SCN7A: variants seen among roughly 807,000 people sequenced by gnomAD.
The protein encoded by SCN7A is sodium voltage-gated channel alpha subunit 7.
SCN7A carries 138 observed loss-of-function variants against 155.2 expected under a neutral mutation model. The observed-to-expected ratio is 0.89, with a 90% CI of 0.77 to 1.02. The LOEUF (loss-of-function observed/expected upper bound fraction) is 1.02. Among genes scored for constraint, SCN7A ranks in the 50% least tolerant of loss-of-function variants. SCN7A has a pLI of 0.00. For missense variants in SCN7A, 2,058 were observed against 1,986.6 expected (o/e 1.04, Z -0.68); for synonymous variants, 693 against 649.0 (o/e 1.07, Z -1.03).
Position 166,409,709 on chromosome 2 carries a change from G to T in SCN7A, c.3938C>A (p.Ala1313Glu), listed in dbSNP as rs6760593. Reference protein sequence around the residue: ...IAFRCFYFTIAWNIFDFMVVI... With the variant: ...IAFRCFYFTIEWNIFDFMVVI... ...CACCATAAAATCAAAAATGTTCCAC[G>T]CAATGGTGAAATAAAAACAACGGAA... Residue 1313 changes from alanine (A) to glutamate (E), a missense_variant, in exon 25 of 26, where the codon GCG becomes GAG. Ala to Glu is a moderately radical substitution (Grantham distance 107, BLOSUM62 -1). Coordinates refer to ENST00000643258, the MANE Select transcript of SCN7A (RefSeq NM_002976.4). The T allele has an allele frequency of 1.3e-6, 2 of 1,540,448 alleles. No individual in the cohort carries two copies. The highest frequency in any genetic ancestry group is 2.0e-5 in the Admixed American group (1 of 49,428).
chr2:166,438,151 T>A (rs2105426024), intron 15 of SCN7A, among the ~76,000 whole-genome samples: 1 of 152,266 alleles, frequency 6.6e-6, no homozygotes, highest in South Asian at 2.1e-4. Context: ...AGGGACTTGG[T>A]GGGAAGTAAT....
chr2:166,434,516 G>T (rs1701798287), intron 15 of SCN7A, among the ~76,000 whole-genome samples: 1 of 152,080 alleles, frequency 6.6e-6, no homozygotes, highest in African/African-American at 2.4e-5. Flanking sequence ...CAGAAATAAA[G>T]AAATAAAGCA....
chr2:166,414,483 A>ATG (rs1701315563), intron 21 of SCN7A: 1 of 136,930 alleles, frequency 7.3e-6, no homozygotes. Context: ...ATATATATAT[A>ATG]TATCTCCTAT....
Position 166,427,869 on chromosome 2 carries a change from C to T in SCN7A, c.2772G>A (p.Arg924=), listed in dbSNP as rs746586197. Residue 924 remains arginine, a synonymous_variant, in exon 18 of 26, where the codon AGG becomes AGA. Coordinates refer to ENST00000643258, the MANE Select transcript of SCN7A (RefSeq NM_002976.4). ...TCTCTACAATCTTGCAGCAGGTTTT[C>T]CTGATGTTCTGCCAGATTTTTCCTT... is the stretch of plus-strand genomic sequence containing the variant. ...SKKGKIWQNI[R]KTCCKIVENN... 1 of 1,612,788 alleles carries T rather than the reference C, an allele frequency of 6.2e-7. No homozygotes were observed. The highest frequency in any genetic ancestry group is 8.5e-7 in the Non-Finnish European group (1 of 1,179,302).
intron 11 of SCN7A, among the ~76,000 whole-genome samples, chr2:166,455,814 T>C (rs1173214094): frequency 6.6e-6 from 1 of 152,240 alleles, no homozygotes; most frequent in Non-Finnish European, 1.5e-5. Flanking sequence ...ATGTGGTTTT[T>C]GCCACTGATT....
At chr2:166,483,761 G>T (rs1284545050) in intron 2 of SCN7A, among the ~76,000 whole-genome samples, 1 of 151,932 alleles carries the variant, frequency 6.6e-6, no homozygotes, top group East Asian at 1.9e-4. Context: ...TAAGAGGAAA[G>T]CTGGTACTGT....
intron 12 of SCN7A, among the ~76,000 whole-genome samples, chr2:166,445,593 C>G (rs1257276696): frequency 2.0e-5 from 3 of 148,420 alleles, no homozygotes; most frequent in African/African-American, 7.4e-5. Flanking sequence ...CTTTCTCTCT[C>G]TCTCTCTTTT....
chr2:166,467,651 T>A (rs1702566009), intron 7 of SCN7A, among the ~76,000 whole-genome samples: 2 of 151,620 alleles, frequency 1.3e-5, no homozygotes, highest in South Asian at 4.1e-4. Flanking sequence ...ATAATTTTCA[T>A]TAGTATATAC....
At chr2:166,465,699 G>A (rs1702515710) in intron 8 of SCN7A, 82 bp downstream of exon 8, 2 of 1,441,912 alleles carry the variant, frequency 1.4e-6, no homozygotes, top group Non-Finnish European at 1.9e-6. Context: ...ACAAAATGTT[G>A]AGTGTTCAAC....
intron 12 of SCN7A, among the ~76,000 whole-genome samples, chr2:166,446,320 A>T (rs1702061263): frequency 6.6e-6 from 1 of 152,216 alleles, no homozygotes; most frequent in African/African-American, 2.4e-5. Context: ...CCACAATGAG[A>T]CACCATTTCA....
At chr2:166,411,191 T>C (rs1160033146) in intron 23 of SCN7A, among the ~76,000 whole-genome samples, 2 of 152,048 alleles carry the variant, frequency 1.3e-5, no homozygotes, top group African/African-American at 4.8e-5. Context: ...TCAACCACAG[T>C]TGGAAATTAT....
intron 7 of SCN7A, among the ~76,000 whole-genome samples, chr2:166,469,459 A>T (rs1314858116): frequency 1.3e-5 from 2 of 151,746 alleles, no homozygotes; most frequent in Non-Finnish European, 2.9e-5. Context: ...TTAAAAGAGG[A>T]TACTTTCTTT....
chr2:166,445,642 T>G (rs967254615), intron 12 of SCN7A, among the ~76,000 whole-genome samples: 2 of 152,148 alleles, frequency 1.3e-5, no homozygotes, highest in African/African-American at 4.8e-5. Flanking sequence ...CCACTTCACA[T>G]GTGTGTCCAT....
Position 166,429,255 on chromosome 2 carries a change from G to A in SCN7A, c.2612C>T (p.Ser871Leu), listed in dbSNP as rs780713451. 9.8e-6 allele frequency: 15 copies of A among 1,533,226 alleles called. No individual in the cohort carries two copies. The highest frequency in any genetic ancestry group is 1.2e-5 in the South Asian group (1 of 80,212). The allele number at this position is 1,533,226 out of a possible 1,614,324, so 95.0% of individuals were successfully genotyped here. Residue 871 changes from serine to leucine, a missense_variant, in exon 17 of 26, where the codon TCA becomes TTA. Coordinates refer to ENST00000643258, the MANE Select transcript of SCN7A (RefSeq NM_002976.4). ...GSKEKIKQSSSSECSTVDIAI... is the reference protein window; with the variant it reads ...GSKEKIKQSSLSECSTVDIAI... ...AATATCAACAGTACTGCATTCAGAT[G>A]AGCTAGATTGCTTTATTTTCTAAAA...
chr2:166,462,218 C>T, intron 10 of SCN7A, 171 bp downstream of exon 10: 1 of 611,502 alleles, frequency 1.6e-6, no homozygotes. Context: ...ATACACCTGG[C>T]AATGTGGCCA....
In SCN7A at chr2:166,409,829, T is replaced by G; in HGVS notation, c.3818A>C (p.Asp1273Ala). The change falls in exon 25 of 26, where the codon GAT becomes GCT. Residue 1273 changes from aspartate to alanine, a missense_variant. Asp to Ala is a moderately radical substitution (Grantham distance 126). Transcript: ENST00000643258. ...AATGGACATTTGTAGACTCTGAACA[T>G]CAGTGTCTATCATCATGGCTATTGC... ...FQAIAMMIDTDVQSLQMSIAL... is the reference protein window; with the variant it reads ...FQAIAMMIDTAVQSLQMSIAL... 1 of 1,572,324 alleles carries G rather than the reference T, an allele frequency of 6.4e-7. No individual in the cohort carries two copies. Among genetic ancestry groups the G allele is most frequent in the Non-Finnish European group, 8.6e-7 (1 of 1,156,488 alleles).
intron 25 of SCN7A, among the ~76,000 whole-genome samples, chr2:166,409,205 C>T (rs1701143281): frequency 6.6e-6 from 1 of 151,688 alleles, no homozygotes; most frequent in South Asian, 2.1e-4. Context: ...AGAGAGATCT[C>T]CAAAGTAAGA....
chr2:166,406,162 A>G lies in SCN7A; in HGVS notation c.4467T>C (p.Asn1489=). 5 of 1,612,382 alleles carry G rather than the reference A, an allele frequency of 3.1e-6. No individual in the cohort carries two copies. Among genetic ancestry groups the G allele is most frequent in the Admixed American group, 1.7e-5 (1 of 59,726 alleles). The change falls in exon 26 of 26, where the codon AAT becomes AAC. Residue 1489 remains asparagine, a synonymous_variant. Transcript: ENST00000643258. ...ACTCCATGACAACAACAATGTACAT[A>G]TTTACAATGATCAGCCATGATATGA... ...YILISWLIIV[N]MYIVVVMEFL...
At chr2:166,449,121 A>G (rs1050485414) in intron 11 of SCN7A, among the ~76,000 whole-genome samples, 1 of 152,202 alleles carries the variant, frequency 6.6e-6, no homozygotes, top group African/African-American at 2.4e-5. Context: ...TGTTGTAGAT[A>G]TTACAAATTC....
Sources: allele counts gnomAD v4.1 joint callset (sites outside exome capture counted in the v4.1 genomes callset), GRCh38; gene constraint gnomAD v4.1.1; transcripts MANE v1.5; gene names NCBI Gene and HGNC (gene_info 2026-07-23, HGNC 2026-07-21).